TMEM181: variants seen among roughly 807,000 people sequenced by gnomAD.
TMEM181 encodes the protein G protein-coupled receptor 178.
In TMEM181, 39 loss-of-function variants were observed where a neutral mutation model predicts 71.9. That is an observed-to-expected ratio of 0.54 (90% confidence interval 0.42 to 0.71). TMEM181 has a LOEUF of 0.71. Ranked by LOEUF, TMEM181 falls within the 30% of genes least tolerant of loss-of-function variation. The pLI is 0.00. For missense variants in TMEM181, 595 were observed against 583.0 expected, an observed-to-expected ratio of 1.02 and a Z score of -0.21; for synonymous variants, 245 against 228.8, an observed-to-expected ratio of 1.07 and a Z score of -0.64.
At chr6:158,614,690 A>G (rs1158419433) in intron 10 of TMEM181, among the ~76,000 whole-genome samples, 3 of 151,918 alleles carry the variant, frequency 2.0e-5, no homozygotes, top group African/African-American at 4.8e-5. Flanking sequence ...CCTGTGTCCA[A>G]GTGTTCTCAT....
Position 158,605,274 on chromosome 6 carries a change from C to CT in TMEM181, c.502dup (p.Tyr168LeufsTer2). On this transcript the variant is annotated frameshift_variant, in exon 7 of 17. Coordinates refer to ENST00000684151, the MANE Select transcript of TMEM181 (RefSeq NM_001376852.1). LOFTEE classifies it high-confidence loss of function. ...CTCCACTTTCTATTTTAGTGGAAGACTTATAACCCTGCCTTCTCCCGGTTG... is the reference window on the plus strand; with the variant it reads ...CTCCACTTTCTATTTTAGTGGAAGACTTTATAACCCTGCCTTCTCCCGGTTG... 1 of 1,613,782 alleles carries CT rather than the reference C, an allele frequency of 6.2e-7. No homozygotes were observed. The highest frequency in any genetic ancestry group is 8.5e-7 in the Non-Finnish European group (1 of 1,179,878).
chr6:158,593,664 G>A (rs950244195), intron 6 of TMEM181, among the ~76,000 whole-genome samples: 1 of 152,222 alleles, frequency 6.6e-6, no homozygotes, highest in East Asian at 1.9e-4. Flanking sequence ...CAAAGTGTTT[G>A]TATGTCTTTT....
rs189817543 is a variant in TMEM181 at position 158,576,906 on chromosome 6, C to G, written c.112+3383C>G. ...TGAAACCCCATCTCTGCTAAAAATACAAAAAATTAGCCAGGCATGGTGGTG... is the reference window on the plus strand; with the variant it reads ...TGAAACCCCATCTCTGCTAAAAATAGAAAAAATTAGCCAGGCATGGTGGTG... On this transcript the variant is annotated intron_variant, in intron 2 of 16. Coordinates refer to ENST00000684151, the MANE Select transcript of TMEM181 (RefSeq NM_001376852.1). Among the ~76,000 whole-genome samples the G allele has an allele frequency of 2.7e-3, 406 of 151,876 alleles. 2 individuals carry two copies. Among genetic ancestry groups the G allele is most frequent in the African/African-American group, 8.7e-3 (362 of 41,414 alleles).
At chr6:158,570,115 G>C (rs1042391926) in intron 1 of TMEM181, among the ~76,000 whole-genome samples, 1 of 151,646 alleles carries the variant, frequency 6.6e-6, no homozygotes, top group Non-Finnish European at 1.5e-5. Context: ...TGGCTGCCCC[G>C]GGGGACGGGA....
chr6:158,562,141 C>T (rs1198960104), intron 1 of TMEM181, among the ~76,000 whole-genome samples: 1 of 152,126 alleles, frequency 6.6e-6, no homozygotes. Flanking sequence ...GGCCTTATGA[C>T]CTCTGACTCT....
At chr6:158,619,934 G>A (rs1785860947) in intron 10 of TMEM181, among the ~76,000 whole-genome samples, 1 of 151,358 alleles carries the variant, frequency 6.6e-6, no homozygotes, top group Non-Finnish European at 1.5e-5. Flanking sequence ...AGAGGGTAGA[G>A]GAAAGCCTGA....
intron 15 of TMEM181, among the ~76,000 whole-genome samples, chr6:158,630,123 T>G (rs1270440248): frequency 6.6e-6 from 1 of 152,226 alleles, no homozygotes; most frequent in Non-Finnish European, 1.5e-5. Context: ...CAATGCACAT[T>G]CAGGAGAAAT....
chr6:158,558,525 G>A (rs966505227), upstream of TMEM181, among the ~76,000 whole-genome samples: 5 of 152,178 alleles, frequency 3.3e-5, no homozygotes, highest in East Asian at 3.8e-4. Context: ...GAACTGAGGC[G>A]CAGAGACAGC....
At chr6:158,588,820 G>T (rs1483649290) in intron 5 of TMEM181, among the ~76,000 whole-genome samples, 2 of 152,202 alleles carry the variant, frequency 1.3e-5, no homozygotes, top group African/African-American at 4.8e-5. Context: ...GACATTCGAG[G>T]CTTGACCAGT....
chr6:158,582,223 T>C (rs577916556), intron 3 of TMEM181, among the ~76,000 whole-genome samples: 75 of 152,304 alleles, frequency 4.9e-4, no homozygotes, highest in African/African-American at 1.7e-3. Context: ...TGGGCTTTCC[T>C]GATAGTAGTT....
In TMEM181 at chr6:158,560,132, G is replaced by C. The variant is rs943900785; in HGVS notation, c.-93G>C. 1 of 984,766 alleles carries C rather than the reference G, an allele frequency of 1.0e-6. No individual in the cohort carries two copies. Among genetic ancestry groups the C allele is most frequent in the Non-Finnish European group, 1.2e-6 (1 of 829,740 alleles). 61.0% of individuals were successfully genotyped at this position (984,766 alleles called of 1,614,324 possible). ...GCCGCTGCTCAGCCGCTGTCGCTCCGGCTCCGGCTGCGGCTGCCGCTGCCG... is the reference window on the plus strand; with the variant it reads ...GCCGCTGCTCAGCCGCTGTCGCTCCCGCTCCGGCTGCGGCTGCCGCTGCCG... On this transcript the variant is annotated 5_prime_UTR_variant, in exon 1 of 17. Transcript: ENST00000684151.
At chr6:158,611,351 C>T (rs190254216) in intron 10 of TMEM181, 2 of 526,772 alleles carry the variant, frequency 3.8e-6, no homozygotes, top group East Asian at 5.4e-5. Context: ...GTGACAGCCT[C>T]TCCCTTCCTT....
chr6:158,588,167 A>G (rs188016760), intron 5 of TMEM181, among the ~76,000 whole-genome samples: 5 of 152,372 alleles, frequency 3.3e-5, no homozygotes. Flanking sequence ...TGCTTCCGGC[A>G]TAGGAGAATG....
chr6:158,591,060 T>C (rs1289387505), intron 6 of TMEM181, among the ~76,000 whole-genome samples: 1 of 152,256 alleles, frequency 6.6e-6, no homozygotes, highest in East Asian at 1.9e-4. Flanking sequence ...CTAAGTGATA[T>C]TTTGTTGTAT....
chr6:158,609,282 G>T lies in TMEM181; in HGVS notation c.896+532G>T, dbSNP rs775482464. 3.2e-4 allele frequency among the ~76,000 whole-genome samples: 48 copies of T among 151,952 alleles called. 1 individual carries two copies. The highest frequency in any genetic ancestry group is 6.3e-4 in the Non-Finnish European group (43 of 67,992). On this transcript the variant is annotated intron_variant, in intron 10 of 16. Coordinates refer to ENST00000684151, the MANE Select transcript of TMEM181 (RefSeq NM_001376852.1). ...TGGATAGTACTGATCCTTATATATA[G>T]CTGTTTATACCCTATGTATACCCAT...
rs554334996 is a variant in TMEM181, at chr6:158,544,637, T to C, written c.131+7772T>C. 2.0e-5 allele frequency among the ~76,000 whole-genome samples: 3 copies of C among 152,284 alleles called. No individual in the cohort carries two copies. The South Asian group carries it at 6.2e-4, about 32-fold the overall frequency. Reference sequence around the variant, plus strand: ...GGGGCAAACCCCTGAGCTCTTGCGCTCTGGGGTCTTGGTCTTCCCGCCTTC... The same window carrying C: ...GGGGCAAACCCCTGAGCTCTTGCGCCCTGGGGTCTTGGTCTTCCCGCCTTC... On this transcript the variant is annotated intron_variant, in intron 1 of 16. Coordinates refer to the TMEM181 transcript ENST00000367090.
chr6:158,574,198 A>G (rs942437746), intron 2 of TMEM181, among the ~76,000 whole-genome samples: 1 of 152,082 alleles, frequency 6.6e-6, no homozygotes, highest in African/African-American at 2.4e-5. Flanking sequence ...TAATTGATTG[A>G]CTTAATACTA....
chr6:158,591,023 G>GGA (rs1405970998), intron 6 of TMEM181, among the ~76,000 whole-genome samples: 1 of 152,148 alleles, frequency 6.6e-6, no homozygotes, highest in Non-Finnish European at 1.5e-5. Context: ...GGTTGTCGCG[G>GGA]GATCAGTACT....
intron 1 of TMEM181, among the ~76,000 whole-genome samples, chr6:158,562,607 A>G (rs963141395): frequency 5.9e-5 from 9 of 152,100 alleles, no homozygotes; most frequent in African/African-American, 2.2e-4. Flanking sequence ...CAGACAAATT[A>G]AGTATCCTGG....
Sources: allele counts gnomAD v4.1 joint callset (sites outside exome capture counted in the v4.1 genomes callset), GRCh38; gene constraint gnomAD v4.1.1; transcripts MANE v1.5; gene names NCBI Gene and HGNC (gene_info 2026-07-23, HGNC 2026-07-21).